Variants in FUT8 observed in about 807,000 individuals in gnomAD.
The protein encoded by FUT8 is fucosyltransferase 8, also known as alpha-(1,6)-fucosyltransferase.
A neutral mutation model predicts 71.3 loss-of-function variants in FUT8; 29 were observed. That is an observed-to-expected ratio of 0.41 (90% confidence interval 0.30 to 0.55). The LOEUF (loss-of-function observed/expected upper bound fraction) is 0.55, where lower values mean the gene tolerates loss of function less well. FUT8 is among the 20% of genes least tolerant of loss of function. FUT8 has a pLI of 0.34. For synonymous variants in FUT8, 254 were observed against 239.3 expected, an observed-to-expected ratio of 1.06 and a Z score of -0.57; for missense variants, 544 against 702.1, an observed-to-expected ratio of 0.77 and a Z score of 2.55.
chr14:65,453,938 C>G (rs969296432), intron 1 of FUT8, among the ~76,000 whole-genome samples: 1 of 152,164 alleles, frequency 6.6e-6, no homozygotes, highest in African/African-American at 2.4e-5. Context: ...GAATTTCCCT[C>G]TTGGCAATGG....
intron 2 of FUT8, among the ~76,000 whole-genome samples, chr14:65,459,504 TAAAC>T (rs1374010487): frequency 2.6e-5 from 4 of 152,106 alleles, no homozygotes; most frequent in Admixed American, 1.3e-4. Context: ...GCAAAAGAAA[TAAAC>T]AAAAACTGAG....
intron 8 of FUT8, among the ~76,000 whole-genome samples, chr14:65,722,681 A>G (rs1056686136): frequency 1.3e-5 from 2 of 152,218 alleles, no homozygotes; most frequent in Admixed American, 6.5e-5. Context: ...GAACAATTCC[A>G]ATTTCCCCAG....
At chr14:65,697,040 C>A (rs1019607030) in intron 7 of FUT8, among the ~76,000 whole-genome samples, 2 of 152,128 alleles carry the variant, frequency 1.3e-5, no homozygotes, top group African/African-American at 2.4e-5. Flanking sequence ...TCTGTAATAT[C>A]GGAGTCTGGT....
the FUT8 span, among the ~76,000 whole-genome samples, chr14:65,389,672 C>T: frequency 6.6e-6 from 1 of 151,744 alleles, no homozygotes; most frequent in East Asian, 1.9e-4. Context: ...CTAGGCTTGT[C>T]TCGAAATCCT....
At chr14:65,447,403 C>T (rs1171073199) in intron 1 of FUT8, among the ~76,000 whole-genome samples, 1 of 151,614 alleles carries the variant, frequency 6.6e-6, no homozygotes, top group Non-Finnish European at 1.5e-5. Flanking sequence ...GCAGTGTAAT[C>T]ATTGTACATT....
At chr14:65,738,260 GCCA>G (rs1896321496) in intron 10 of FUT8, among the ~76,000 whole-genome samples, 1 of 151,984 alleles carries the variant, frequency 6.6e-6, no homozygotes, top group African/African-American at 2.4e-5. Context: ...AGATCTCTCA[GCCA>G]CTTCCAACTT....
chr14:65,631,524 C>A (rs533294842), intron 6 of FUT8, among the ~76,000 whole-genome samples: 101 of 152,240 alleles, frequency 6.6e-4, no homozygotes, highest in African/African-American at 2.3e-3. Context: ...CTTTTTAAAT[C>A]TTTTAAACTA....
At chr14:65,451,376 C>T (rs1748457908) in intron 1 of FUT8, among the ~76,000 whole-genome samples, 1 of 152,260 alleles carries the variant, frequency 6.6e-6, no homozygotes, top group African/African-American at 2.4e-5. Flanking sequence ...AGTGAACTCT[C>T]TGCAGGCCCC....
intron 7 of FUT8, among the ~76,000 whole-genome samples, chr14:65,691,908 T>A (rs1003553850): frequency 1.8e-4 from 27 of 152,048 alleles, no homozygotes; most frequent in South Asian, 1.0e-3. Context: ...CAGAGAGCAC[T>A]GGGTTGGGGG....
intron 7 of FUT8, among the ~76,000 whole-genome samples, chr14:65,676,122 T>A (rs1892706505): frequency 6.6e-6 from 1 of 152,200 alleles, no homozygotes; most frequent in African/African-American, 2.4e-5. Context: ...TAGATTTTGT[T>A]TTGAAAAAAT....
the FUT8 span, among the ~76,000 whole-genome samples, chr14:65,396,430 A>C: frequency 2.0e-5 from 3 of 152,206 alleles, no homozygotes; most frequent in Non-Finnish European, 4.4e-5. The surrounding 1 kb of genome is among the most constrained non-coding windows in gnomAD (Gnocchi z 5.5). Flanking sequence ...GGTGAAAGGC[A>C]TGTCTTATAT....
intron 5 of FUT8, among the ~76,000 whole-genome samples, chr14:65,620,577 T>C (rs1379237814): frequency 1.3e-5 from 2 of 152,224 alleles, no homozygotes; most frequent in Non-Finnish European, 2.9e-5. Flanking sequence ...TCATTCTGTT[T>C]GGAAGGTCCA....
At chr14:65,504,328 A>G (rs1167912996) in intron 2 of FUT8, among the ~76,000 whole-genome samples, 2 of 152,218 alleles carry the variant, frequency 1.3e-5, no homozygotes, top group East Asian at 3.8e-4. Context: ...ACTCAAATGT[A>G]GGGATATATA....
chr14:65,368,189 G>A, the FUT8 span, among the ~76,000 whole-genome samples: 3 of 151,778 alleles, frequency 2.0e-5, no homozygotes, highest in East Asian at 5.8e-4. Context: ...CGGTAGCTGG[G>A]ACTACAGGCA....
chr14:65,386,327 A>G, the FUT8 span, among the ~76,000 whole-genome samples: 7 of 150,846 alleles, frequency 4.6e-5, no homozygotes, highest in African/African-American at 1.7e-4. Context: ...CCTGGGAAAC[A>G]TGGTGAAACT....
At chr14:65,584,863 C>T (rs1007908383) in intron 3 of FUT8, among the ~76,000 whole-genome samples, 7 of 152,184 alleles carry the variant, frequency 4.6e-5, no homozygotes, top group East Asian at 1.9e-4. Flanking sequence ...CATCCATTCA[C>T]GTAGTCCTTC....
chr14:65,673,890 A>G (rs1043213407), intron 7 of FUT8, among the ~76,000 whole-genome samples: 2 of 152,220 alleles, frequency 1.3e-5, no homozygotes, highest in African/African-American at 2.4e-5. Flanking sequence ...TTATTCAAAT[A>G]TCTCACTCAG....
intron 2 of FUT8, among the ~76,000 whole-genome samples, chr14:65,520,743 A>T (rs900869064): frequency 6.6e-6 from 1 of 152,134 alleles, no homozygotes; most frequent in African/African-American, 2.4e-5. Context: ...TTATTTAAAA[A>T]GGTTAACATT....
intron 1 of FUT8, among the ~76,000 whole-genome samples, chr14:65,419,038 G>C (rs956367872): frequency 1.3e-5 from 2 of 152,124 alleles, no homozygotes; most frequent in African/African-American, 2.4e-5. Flanking sequence ...AGACCAGCCT[G>C]ACCAACATGG....
Sources: gnomAD v4.1 joint callset for allele counts (sites outside exome capture counted in the v4.1 genomes callset) on GRCh38, gnomAD v4.1.1 for gene constraint, Gnocchi (gnomAD v3.1) non-coding constraint, MANE v1.5 for transcripts, NCBI Gene and HGNC (gene_info 2026-07-23, HGNC 2026-07-21) for gene names.